The following ZNF230 variants were observed in gnomAD, a reference collection of about 807,000 sequenced individuals.
The protein encoded by ZNF230 is zinc finger protein FDZF2.
Under a neutral mutation model 10.0 loss-of-function variants are expected in ZNF230, and 12 were observed. The ratio of observed to expected loss-of-function variants is 1.20; its 90% confidence interval spans 0.77 to 1.95. The LOEUF (loss-of-function observed/expected upper bound fraction) is 1.95. ZNF230 is among the 30% of genes most tolerant of loss of function. The pLI, the probability that ZNF230 is intolerant of heterozygous loss-of-function variation, is 0.00. For synonymous variants in ZNF230, 174 were observed against 193.6 expected (o/e 0.90, Z 0.84); for missense variants, 532 against 565.8 (o/e 0.94, Z 0.61).
At position 44,013,410 on chromosome 19, in the gene ZNF230, A is replaced by AT. The variant is rs767765034; in HGVS notation, c.*1947dup. The AT allele has an allele frequency of 2.6e-5, 4 of 152,196 alleles. No individual in the cohort carries two copies. The highest frequency in any genetic ancestry group is 4.4e-5 in the Non-Finnish European group (3 of 68,018). The allele number at this position is 152,196 out of a possible 1,614,324, so 9.4% of individuals were successfully genotyped here. ...AAAATAAGTCTTTTGTAAGCAGTGT[A>AT]TATCAGAATGTATAAGGTACAAGTG... On this transcript the variant is annotated 3_prime_UTR_variant, in exon 5 of 5. Transcript: ENST00000429154.
chr19:44,011,163 G>A lies in ZNF230; in HGVS notation c.1124G>A (p.Ser375Asn). The change falls in exon 5 of 5, where the codon AGT (serine) becomes AAT (asparagine). Residue 375 changes from serine to asparagine, a missense_variant. Physicochemically the swap from Ser to Asn is conservative, Grantham distance 46. Coordinates refer to ENST00000429154, the MANE Select transcript of ZNF230 (RefSeq NM_006300.4). The part of the protein sequence containing the change: ...RCEECGKGYI[S>N]KSGLNLHQRV... ...GAGGAGTGTGGGAAGGGCTACATTAGTAAGTCAGGTCTTAACTTGCACCAG... is the reference window on the plus strand; with the variant it reads ...GAGGAGTGTGGGAAGGGCTACATTAATAAGTCAGGTCTTAACTTGCACCAG... 1 of 1,614,140 alleles carries A rather than the reference G, an allele frequency of 6.2e-7. No homozygotes were observed. Among genetic ancestry groups the A allele is most frequent in the Non-Finnish European group, 8.5e-7 (1 of 1,179,996 alleles).
Position 44,010,481 on chromosome 19 carries a change from T to A in ZNF230, c.442T>A (p.Ser148Thr), listed in dbSNP as rs1976167642. 6.2e-7 allele frequency: 1 copy of A among 1,614,102 alleles called. No homozygotes were observed. Among genetic ancestry groups the A allele is most frequent in the African/African-American group, 1.3e-5 (1 of 74,934 alleles). Residue 148 changes from serine (S) to threonine (T), a missense_variant, in exon 5 of 5, where the codon TCC (serine) becomes ACC (threonine). Transcript: ENST00000429154. ...KPSQNGKCKQ[S>T]FSDVAIFDPP... ...TTCACAGAATGGGAAGTGTAAACAG[T>A]CCTTCAGTGATGTTGCCATCTTTGA...
rs752079853 is a variant in ZNF230 at position 44,010,625 on chromosome 19, T to C, written c.586T>C (p.Ser196Pro). 6.2e-7 allele frequency: 1 copy of C among 1,614,114 alleles called. No homozygotes were observed. Among genetic ancestry groups the C allele is most frequent in the African/African-American group, 1.3e-5 (1 of 74,932 alleles). ...HQRVHLREKL[S>P]KCDMRGKEFS... ...GAGAGTTCACTTGAGAGAGAAACTC[T>C]CTAAGTGTGACATGCGTGGTAAGGA... Residue 196 changes from serine (S) to proline (P), a missense_variant, in exon 5 of 5, where the codon TCT becomes CCT. Transcript: ENST00000429154.
chr19:44,003,328 C>T (rs573303254), intron 1 of ZNF230: 1 of 152,330 alleles, frequency 6.6e-6, no homozygotes, highest in South Asian at 2.1e-4. Context: ...TGTCCTTATA[C>T]TTTCCATTGC....
intron 1 of ZNF230, 42 bp from the exon 2 acceptor site, chr19:44,006,969 A>G: frequency 1.1e-6 from 1 of 890,698 alleles, no homozygotes; most frequent in African/African-American, 1.6e-5. Context: ...CTCCCCAGCC[A>G]CCATTTCATG....
intron 1 of ZNF230, among the ~76,000 whole-genome samples, chr19:44,005,875 C>T (rs1053292469): frequency 2.0e-5 from 3 of 152,104 alleles, no homozygotes; most frequent in South Asian, 2.1e-4. Flanking sequence ...GGTGACAGAG[C>T]GAGACTCTGT....
Position 44,010,842 on chromosome 19 carries a change from A to G in ZNF230, c.803A>G (p.Gln268Arg), listed in dbSNP as rs1365344380. The change falls in exon 5 of 5, where the codon CAG becomes CGG. Residue 268 changes from glutamine (Q) to arginine (R), a missense_variant. By Grantham distance (43) the Gln-to-Arg change is conservative. Transcript: ENST00000429154. ...GRAFIHDFQLQKHQIIHTGEK... is the reference protein window; with the variant it reads ...GRAFIHDFQLRKHQIIHTGEK... ...GCCTTCATTCACGATTTCCAGCTTC[A>G]GAAACATCAGATAATTCATACTGGG... 1 of 1,614,238 alleles carries G rather than the reference A, an allele frequency of 6.2e-7. No homozygotes were observed. The highest frequency in any genetic ancestry group is 8.5e-7 in the Non-Finnish European group (1 of 1,180,028).
rs924369580 is a variant in ZNF230 at position 44,010,732 on chromosome 19, A to G, written c.693A>G (p.Lys231=). 7 of 1,614,064 alleles carry G rather than the reference A, an allele frequency of 4.3e-6. No homozygotes were observed. Among genetic ancestry groups the G allele is most frequent in the African/African-American group, 4.0e-5 (3 of 74,916 alleles). Residue 231 remains lysine (K), a synonymous_variant, in exon 5 of 5, where the codon AAA becomes AAG. Coordinates refer to ENST00000429154, the MANE Select transcript of ZNF230 (RefSeq NM_006300.4). ...EKPFKCEQCG[K]GFRCRAILQV... ...CATTCAAATGTGAGCAATGTGGGAA[A>G]GGCTTCAGATGTAGAGCGATACTTC...
chr19:44,011,371 A>G lies in ZNF230; in HGVS notation c.1332A>G (p.Gly444=). 1 of 1,614,102 alleles carries G rather than the reference A, an allele frequency of 6.2e-7. No individual in the cohort carries two copies. Among genetic ancestry groups the G allele is most frequent in the Non-Finnish European group, 8.5e-7 (1 of 1,179,946 alleles). ...FCKDQQGDHN[G]ENSSKCEDCG... ...AAGACCAACAAGGAGACCACAATGG[A>G]GAAAACTCATCCAAATGTGAGGACT... The change falls in exon 5 of 5, where the codon GGA becomes GGG. Residue 444 remains glycine, a synonymous_variant. Coordinates refer to ENST00000429154, the MANE Select transcript of ZNF230 (RefSeq NM_006300.4).
chr19:44,010,591 TA>T lies in ZNF230; in HGVS notation c.553del (p.Ile185PhefsTer7). 6.2e-7 allele frequency: 1 copy of T among 1,614,236 alleles called. No individual in the cohort carries two copies. The highest frequency in any genetic ancestry group is 8.5e-7 in the Non-Finnish European group (1 of 1,180,040). On this transcript the variant is annotated frameshift_variant, in exon 5 of 5. Transcript: ENST00000429154. LOFTEE classifies it low-confidence loss of function (END_TRUNC). ...KSFCYISALR[I>X]HQRVHLREKL... Reference sequence around the variant, plus strand: ...GCTTCTGTTACATCTCAGCTCTTCGTATTCACCAGAGAGTTCACTTGAGAGA... The same window carrying T: ...GCTTCTGTTACATCTCAGCTCTTCGTTTCACCAGAGAGTTCACTTGAGAGA...
Position 44,008,861 on chromosome 19 carries a change from G to A in ZNF230, c.87G>A (p.Gln29=), listed in dbSNP as rs1184255375. ...EEELGLLDPA[Q]RKLYQDVMLE... Reference sequence around the variant, plus strand: ...AACTGGGGCTACTGGACCCTGCCCAGAGGAAGCTGTACCAAGACGTGATGC... The same window carrying A: ...AACTGGGGCTACTGGACCCTGCCCAAAGGAAGCTGTACCAAGACGTGATGC... Residue 29 remains glutamine (Q), a synonymous_variant, in exon 3 of 5, where the codon CAG becomes CAA. Transcript: ENST00000429154. 6.2e-7 allele frequency: 1 copy of A among 1,614,136 alleles called. No homozygotes were observed. Among genetic ancestry groups the A allele is most frequent in the Admixed American group, 1.7e-5 (1 of 60,028 alleles).
Position 44,007,023 on chromosome 19 carries a change from C to A in ZNF230, c.-56C>A. The A allele has an allele frequency of 6.7e-7, 1 of 1,490,200 alleles. No individual in the cohort carries two copies. Among genetic ancestry groups the A allele is most frequent in the Non-Finnish European group, 9.3e-7 (1 of 1,077,102 alleles). The allele number at this position is 1,490,200 out of a possible 1,614,324, so 92.3% of individuals were successfully genotyped here. A position where few individuals can be genotyped will look rare whatever the true frequency, so the allele number is the denominator to read the frequency against. ...TGGCATTTTCCAGGCACAATTCCAC[C>A]TTCCTTTGTGCTCCATTACTCAAGA... On this transcript the variant is annotated 5_prime_UTR_variant, in exon 2 of 5. Coordinates refer to ENST00000429154, the MANE Select transcript of ZNF230 (RefSeq NM_006300.4).
intron 4 of ZNF230, among the ~76,000 whole-genome samples, chr19:44,009,939 T>C (rs1395624793): frequency 6.6e-6 from 1 of 152,266 alleles, no homozygotes; most frequent in Non-Finnish European, 1.5e-5. Context: ...TTCCTTTTGA[T>C]TTATATTTCA....
chr19:44,012,055 GATCCAC>G lies in ZNF230; in HGVS notation c.*594_*599del. On this transcript the variant is annotated 3_prime_UTR_variant, in exon 5 of 5. Coordinates refer to ENST00000429154, the MANE Select transcript of ZNF230 (RefSeq NM_006300.4). Reference sequence around the variant, plus strand: ...AATGAACATGGTAGTGTAGATATCTGATCCACATACTGATTTCCTTTGCTTTGGATA... The same window carrying G: ...AATGAACATGGTAGTGTAGATATCTGATACTGATTTCCTTTGCTTTGGATA... The G allele has an allele frequency of 4.4e-6, 1 of 228,850 alleles. No homozygotes were observed. The highest frequency in any genetic ancestry group is 8.7e-6 in the Non-Finnish European group (1 of 114,646). 14.2% of individuals were successfully genotyped at this position (228,850 alleles called of 1,614,324 possible). A position where few individuals can be genotyped will look rare whatever the true frequency, so the allele number is the denominator to read the frequency against.
intron 2 of ZNF230, among the ~76,000 whole-genome samples, chr19:44,007,380 T>A (rs1976133081): frequency 6.6e-6 from 1 of 152,248 alleles, no homozygotes; most frequent in African/African-American, 2.4e-5. Context: ...TTTCTTCTTG[T>A]GCTGTTCCTT....
In ZNF230 at chr19:44,011,010, AT is replaced by A. The variant is rs1568498129; in HGVS notation, c.972del (p.His324GlnfsTer5). On this transcript the variant is annotated frameshift_variant, in exon 5 of 5. Transcript: ENST00000429154. LOFTEE classifies it low-confidence loss of function (END_TRUNC). ...GKGFTDSLDL[H>X]KHQIIHTGQK... The stretch of plus-strand genomic sequence containing the variant: ...GGCTTCACTGATAGCCTAGATTTGC[AT>A]AAGCATCAGATAATTCACACAGGAC... The A allele has an allele frequency of 1.9e-6, 3 of 1,614,248 alleles. No individual in the cohort carries two copies. The highest frequency in any genetic ancestry group is 1.7e-6 in the Non-Finnish European group (2 of 1,180,030).
rs10404784 is a variant in ZNF230 at position 44,013,864 on chromosome 19, A to C, written c.*2400A>C. On this transcript the variant is annotated 3_prime_UTR_variant, in exon 5 of 5. Transcript: ENST00000429154. ...AGTGCAATAAATTTGCAAACTTATT[A>C]ACGTTAATCACTTACCTACCAGGAC... is the stretch of plus-strand genomic sequence containing the variant. 1 of 152,168 alleles carries C rather than the reference A, an allele frequency of 6.6e-6. No individual in the cohort carries two copies. Among genetic ancestry groups the C allele is most frequent in the Non-Finnish European group, 1.5e-5 (1 of 68,032 alleles). 9.4% of individuals were successfully genotyped at this position (152,168 alleles called of 1,614,324 possible). A position where few individuals can be genotyped will look rare whatever the true frequency, so the allele number is the denominator to read the frequency against.
rs889605345 is a variant in ZNF230, at chr19:44,012,654, G to A, written c.*1190G>A. The A allele has an allele frequency of 5.7e-6, 2 of 349,304 alleles. No homozygotes were observed. Among genetic ancestry groups the A allele is most frequent in the Non-Finnish European group, 1.1e-5 (2 of 177,948 alleles). 21.6% of individuals were successfully genotyped at this position (349,304 alleles called of 1,614,324 possible). On this transcript the variant is annotated 3_prime_UTR_variant, in exon 5 of 5. Transcript: ENST00000429154. ...CTAGAATGTCAACTACAGGTACCTT[G>A]TTTTCTGCATCCTCAGGACCTTAAC...
chr19:44,010,363 C>T lies in ZNF230; in HGVS notation c.324C>T (p.Asp108=), dbSNP rs947113252. The change falls in exon 5 of 5, where the codon GAC becomes GAT. Residue 108 remains aspartate (D), a synonymous_variant. Coordinates refer to ENST00000429154, the MANE Select transcript of ZNF230 (RefSeq NM_006300.4). ...CAAGTGACTTAACCCAGTCTCAAGA[C>T]TCCATCATAAATAATTCTCACTTCT... ...QTASDLTQSQ[D]SIINNSHFFE... is the part of the protein sequence containing the mutation. 6.2e-7 allele frequency: 1 copy of T among 1,614,218 alleles called. No homozygotes were observed. The highest frequency in any genetic ancestry group is 8.5e-7 in the Non-Finnish European group (1 of 1,180,028).
Sources: gnomAD v4.1 joint callset for allele counts (sites outside exome capture counted in the v4.1 genomes callset) on GRCh38, gnomAD v4.1.1 for gene constraint, MANE v1.5 for transcripts, NCBI Gene and HGNC (gene_info 2026-07-23, HGNC 2026-07-21) for gene names.